NPHP4: variants seen among roughly 807,000 people sequenced by gnomAD.
The protein encoded by NPHP4 is nephrocystin 4, also known as nephrocystin-4.
Under a neutral mutation model 155.8 loss-of-function variants are expected in NPHP4, and 151 were observed. That is an observed-to-expected ratio of 0.97 (90% CI 0.85 to 1.11). NPHP4 has a LOEUF of 1.11. Among genes scored for constraint, NPHP4 ranks in the 50% least tolerant of loss-of-function variants. NPHP4 has a pLI of 0.00. For synonymous variants in NPHP4, 845 were observed against 816.8 expected, an observed-to-expected ratio of 1.03 and a Z score of -0.59; for missense variants, 1,956 against 1,925.7, an observed-to-expected ratio of 1.02 and a Z score of -0.29.
At chr1:5,946,612 C>T (rs1215497082) in intron 9 of NPHP4, among the ~76,000 whole-genome samples, 1 of 152,184 alleles carries the variant, frequency 6.6e-6, no homozygotes, top group Non-Finnish European at 1.5e-5. Context: ...CCTGAAACCC[C>T]CGGAATCTCC....
chr1:5,952,025 T>C (rs1648181613), intron 7 of NPHP4, among the ~76,000 whole-genome samples: 1 of 152,148 alleles, frequency 6.6e-6, no homozygotes, highest in South Asian at 2.1e-4. Flanking sequence ...GCCTAACAGA[T>C]GGACAAGCCC....
At position 5,948,077 on chromosome 1, in the gene NPHP4, T is replaced by G; in HGVS notation, c.985A>C (p.Lys329Gln). Reference protein sequence around the residue: ...SFSRKVVSSSKTSSGSQALVL... With the variant: ...SFSRKVVSSSQTSSGSQALVL... ...GGACCCAAGAGACAATACCTGGTCT[T>G]GGAAGAGGAGACCACTTTCCTGCTG... Residue 329 changes from lysine (K) to glutamine (Q), a missense_variant, in exon 8 of 30, where the codon AAG becomes CAG. Transcript: ENST00000378156. The G allele has an allele frequency of 6.2e-7, 1 of 1,613,220 alleles. No homozygotes were observed. The highest frequency in any genetic ancestry group is 1.1e-5 in the South Asian group (1 of 91,054).
At chr1:5,923,887 C>A (rs1285983732) in intron 11 of NPHP4, among the ~76,000 whole-genome samples, 1 of 152,160 alleles carries the variant, frequency 6.6e-6, no homozygotes, top group Non-Finnish European at 1.5e-5. Context: ...GAAAACAGAA[C>A]CCAATCAGGA....
At chr1:5,875,840 A>T (rs2100652258) in intron 20 of NPHP4, 2 of 152,670 alleles carry the variant, frequency 1.3e-5, no homozygotes, top group Admixed American at 1.3e-4. Flanking sequence ...CTTCTGTCTA[A>T]CACAGAGGAG....
At chr1:5,878,645 ACCT>A (rs1411259045) in intron 19 of NPHP4, among the ~76,000 whole-genome samples, 1 of 152,100 alleles carries the variant, frequency 6.6e-6, no homozygotes, top group African/African-American at 2.4e-5. Context: ...TTTAAGGGAC[ACCT>A]CCTGTCCTGG....
rs869178040 is a variant in NPHP4, at chr1:5,919,745, GT to G, written c.1441+7903del. Among the ~76,000 whole-genome samples, 184 of 144,402 alleles carry G rather than the reference GT, an allele frequency of 1.3e-3. 1 individual carries two copies. Among genetic ancestry groups the G allele is most frequent in the African/African-American group, 3.5e-3 (137 of 39,592 alleles). 94.7% of individuals were successfully genotyped at this position (144,402 alleles called of 152,430 possible). Reference sequence around the variant, plus strand: ...GTTTGTTTGTTTGTGGGTTTTTTTTGTTTTTTTTTTTAGAGGCAAAGTCTGG... The same window carrying G: ...GTTTGTTTGTTTGTGGGTTTTTTTTGTTTTTTTTTTAGAGGCAAAGTCTGG... On this transcript the variant is annotated intron_variant, in intron 11 of 29. Transcript: ENST00000378156.
chr1:5,871,337 C>G (rs1456399133), intron 23 of NPHP4, among the ~76,000 whole-genome samples: 2 of 152,174 alleles, frequency 1.3e-5, no homozygotes, highest in African/African-American at 4.8e-5. Flanking sequence ...AGCGGTGCCT[C>G]CATGGGATGA....
chr1:5,929,403 T>C (rs1334579311), intron 10 of NPHP4, among the ~76,000 whole-genome samples: 1 of 152,200 alleles, frequency 6.6e-6, no homozygotes, highest in Non-Finnish European at 1.5e-5. Flanking sequence ...GCAATCAGTC[T>C]TTCACCATTA....
rs1332078511 is a variant in NPHP4 at position 5,948,305 on chromosome 1, G to A, written c.811-54C>T. On this transcript the variant is annotated intron_variant, in intron 7 of 29. Coordinates refer to ENST00000378156, the MANE Select transcript of NPHP4 (RefSeq NM_015102.5). ...CGGCACAGACGGAAAGAGGGAGCTCGCCAGAAGTCCCTGGGGGAGGCGAGC... is the reference window on the plus strand; with the variant it reads ...CGGCACAGACGGAAAGAGGGAGCTCACCAGAAGTCCCTGGGGGAGGCGAGC... 1.7e-5 allele frequency: 23 copies of A among 1,377,630 alleles called. No homozygotes were observed. In the East Asian group the frequency reaches 2.0e-4, roughly 12 times the overall value. The allele number at this position is 1,377,630 out of a possible 1,614,324, so 85.3% of individuals were successfully genotyped here.
intron 9 of NPHP4, among the ~76,000 whole-genome samples, chr1:5,945,903 T>TCC (rs70977997): frequency 7.9e-5 from 12 of 151,280 alleles, no homozygotes; most frequent in Admixed American, 2.0e-4. Context: ...TCTGGCATTG[T>TCC]CCCCCCCCAG....
At chr1:5,991,369 C>T (rs1656257075) in intron 1 of NPHP4, 1 of 152,178 alleles carries the variant, frequency 6.6e-6, no homozygotes, top group African/African-American at 2.4e-5. Context: ...GTGCAACGAA[C>T]GGAGCCCTGG....
intron 3 of NPHP4, among the ~76,000 whole-genome samples, chr1:5,976,982 T>C (rs529844086): frequency 7.9e-5 from 12 of 152,264 alleles, no homozygotes; most frequent in Admixed American, 7.8e-4. Flanking sequence ...TCATACAAAC[T>C]GTCCCAATAC....
At chr1:5,987,818 T>C (rs567082364) in intron 1 of NPHP4, among the ~76,000 whole-genome samples, 3 of 152,244 alleles carry the variant, frequency 2.0e-5, no homozygotes, top group African/African-American at 7.2e-5. Flanking sequence ...GAGACAAACA[T>C]GGGTACTTGG....
At chr1:5,940,657 T>G (rs1646772086) in intron 9 of NPHP4, among the ~76,000 whole-genome samples, 1 of 152,008 alleles carries the variant, frequency 6.6e-6, no homozygotes, top group Non-Finnish European at 1.5e-5. Flanking sequence ...ACAGTGCTAA[T>G]TCAGACAATA....
intron 2 of NPHP4, among the ~76,000 whole-genome samples, chr1:5,981,157 A>T (rs1654621142): frequency 6.6e-6 from 1 of 151,274 alleles, no homozygotes; most frequent in Non-Finnish European, 1.5e-5. Context: ...CAGCACCGCC[A>T]CCTCCTCCTC....
At chr1:5,907,442 C>T (rs1389557406) in intron 12 of NPHP4, among the ~76,000 whole-genome samples, 1 of 152,188 alleles carries the variant, frequency 6.6e-6, no homozygotes, top group Non-Finnish European at 1.5e-5. Context: ...TGATCTCCCC[C>T]AGATCATAAT....
chr1:5,990,119 C>T (rs1303580684), intron 1 of NPHP4, among the ~76,000 whole-genome samples: 3 of 152,186 alleles, frequency 2.0e-5, no homozygotes, highest in African/African-American at 7.2e-5. Context: ...CTGCTCCTTG[C>T]TCCTTTCCAC....
chr1:5,901,452 GTTT>G (rs1237656592), intron 16 of NPHP4, among the ~76,000 whole-genome samples: 1 of 152,158 alleles, frequency 6.6e-6, no homozygotes, highest in Non-Finnish European at 1.5e-5. Context: ...GTCGGGTGGG[GTTT>G]TTTTGGACTT....
At chr1:5,876,990 G>A (rs1417579083) in intron 20 of NPHP4, 103 bp downstream of exon 20, 2 of 806,626 alleles carry the variant, frequency 2.5e-6, no homozygotes, top group Non-Finnish European at 3.4e-6. Flanking sequence ...CAGGATTTGG[G>A]AGGAAGGTAA....
Sources: allele counts gnomAD v4.1 joint callset (sites outside exome capture counted in the v4.1 genomes callset), GRCh38; gene constraint gnomAD v4.1.1; transcripts MANE v1.5; gene names NCBI Gene and HGNC (gene_info 2026-07-23, HGNC 2026-07-21).